The following EDC3 variants were observed in gnomAD, a reference collection of about 807,000 sequenced individuals.
The protein encoded by EDC3 is enhancer of mRNA-decapping protein 3.
A neutral mutation model predicts 41.8 loss-of-function variants in EDC3; 20 were observed. The observed-to-expected ratio is 0.48, with a 90% confidence interval of 0.34 to 0.70. The LOEUF is 0.70. Among genes scored for constraint, EDC3 ranks in the 30% least tolerant of loss-of-function variants. The probability of loss-of-function intolerance (pLI) is 0.01; values close to 1 mark genes in which losing one functional copy is unlikely to be tolerated. For missense variants in EDC3, 444 were observed against 636.8 expected (o/e 0.70, Z 3.26); for synonymous variants, 206 against 243.2 (o/e 0.85, Z 1.42).
chr15:74,658,687 T>C (rs1175796348), intron 3 of EDC3, among the ~76,000 whole-genome samples: 1 of 122,126 alleles, frequency 8.2e-6, no homozygotes, highest in Non-Finnish European at 1.6e-5. Context: ...ATGCCTGTAA[T>C]CCCAGCACTT....
intron 4 of EDC3, among the ~76,000 whole-genome samples, chr15:74,645,571 G>C (rs566646300): frequency 8.2e-5 from 12 of 145,828 alleles, no homozygotes; most frequent in Non-Finnish European, 1.7e-4. Flanking sequence ...AGTTGGGGGG[G>C]GGGGGGTGCC....
chr15:74,664,593 C>T (rs551198132), intron 3 of EDC3, among the ~76,000 whole-genome samples: 1 of 152,332 alleles, frequency 6.6e-6, no homozygotes, highest in East Asian at 1.9e-4. Flanking sequence ...TAAAGGGTAC[C>T]TGAATGTTAA....
chr15:74,648,468 C>T (rs931970209), intron 4 of EDC3, among the ~76,000 whole-genome samples: 5 of 152,168 alleles, frequency 3.3e-5, no homozygotes, highest in Non-Finnish European at 7.3e-5. Context: ...AAAGACTTAG[C>T]CGGCCAGCGT....
chr15:74,684,566 T>C (rs1313754360), intron 1 of EDC3, among the ~76,000 whole-genome samples: 1 of 150,900 alleles, frequency 6.6e-6, no homozygotes, highest in South Asian at 2.1e-4. Context: ...CTCTCACCAC[T>C]TGTACTTATA....
chr15:74,645,874 C>CA (rs1480044932), intron 4 of EDC3, among the ~76,000 whole-genome samples: 1 of 151,694 alleles, frequency 6.6e-6, no homozygotes, highest in Admixed American at 6.6e-5. Context: ...AGACCTGTCT[C>CA]AAAAAAGAGT....
intron 1 of EDC3, among the ~76,000 whole-genome samples, chr15:74,680,611 T>C (rs2062860558): frequency 1.3e-5 from 2 of 152,262 alleles, no homozygotes; most frequent in South Asian, 4.1e-4. Flanking sequence ...TATCCACTAT[T>C]ACTCAACACA....
intron 1 of EDC3, among the ~76,000 whole-genome samples, chr15:74,677,319 C>T (rs1297747725): frequency 6.7e-6 from 1 of 150,126 alleles, no homozygotes; most frequent in Non-Finnish European, 1.5e-5. Context: ...CCTCACCTCC[C>T]AAAGTGCTGG....
At chr15:74,659,622 G>A (rs1445859343) in intron 3 of EDC3, among the ~76,000 whole-genome samples, 1 of 151,778 alleles carries the variant, frequency 6.6e-6, no homozygotes, top group African/African-American at 2.4e-5. Context: ...CCAAATCTCA[G>A]CACTTTGGGA....
intron 1 of EDC3, among the ~76,000 whole-genome samples, chr15:74,691,315 T>C (rs1389414830): frequency 6.6e-6 from 1 of 152,024 alleles, no homozygotes; most frequent in African/African-American, 2.4e-5. Flanking sequence ...ATATGAATTA[T>C]TTTAAGATAC....
intron 6 of EDC3, among the ~76,000 whole-genome samples, chr15:74,633,798 C>T (rs2062240108): frequency 6.6e-6 from 1 of 152,144 alleles, no homozygotes; most frequent in Non-Finnish European, 1.5e-5. Context: ...ACAAGGGGAA[C>T]CCACACCAGG....
chr15:74,640,361 A>G, intron 5 of EDC3, 105 bp downstream of exon 5: 23 of 1,324,968 alleles, frequency 1.7e-5, no homozygotes, highest in Non-Finnish European at 2.4e-5. Flanking sequence ...AGATGAGCAG[A>G]AACTGCCTAA....
chr15:74,693,500 C>T (rs1181861039), intron 1 of EDC3, among the ~76,000 whole-genome samples: 1 of 152,100 alleles, frequency 6.6e-6, no homozygotes, highest in East Asian at 1.9e-4. Context: ...ATAAGCAAAC[C>T]TTCTAGATAA....
chr15:74,674,852 TA>T, intron 2 of EDC3, 108 bp downstream of exon 2: 1 of 1,314,854 alleles, frequency 7.6e-7, no homozygotes. Context: ...CCATCTCTAC[TA>T]AAAATACAAA....
At chr15:74,656,161 G>A (rs1328229796) in intron 3 of EDC3, 93 bp from the exon 4 acceptor site, 1 of 1,204,306 alleles carries the variant, frequency 8.3e-7, no homozygotes, top group African/African-American at 1.5e-5. Flanking sequence ...GAGTGTTACA[G>A]GAACCAATGT....
Position 74,635,631 on chromosome 15 carries a change from A to G in EDC3, c.975-5T>C, listed in dbSNP as rs1234759060. The G allele has an allele frequency of 6.2e-7, 1 of 1,611,416 alleles. No individual in the cohort carries two copies. The highest frequency in any genetic ancestry group is 2.2e-5 in the East Asian group (1 of 44,820). ...TGAACATTTTTGGGATTCAACCTGGAAAAGAAGGTGAAGAAGCAGTATCAG... is the reference window on the plus strand; with the variant it reads ...TGAACATTTTTGGGATTCAACCTGGGAAAGAAGGTGAAGAAGCAGTATCAG... On this transcript the variant is annotated splice_polypyrimidine_tract_variant and splice_region_variant and intron_variant, in intron 5 of 6. Transcript: ENST00000315127.
At position 74,654,183 on chromosome 15, in the gene EDC3, G is replaced by A. The variant is rs527683219; in HGVS notation, c.820+1550C>T. 5.9e-5 allele frequency among the ~76,000 whole-genome samples: 9 copies of A among 151,908 alleles called. No individual in the cohort carries two copies. In the East Asian group the frequency reaches 1.7e-3, roughly 29 times the overall value. On this transcript the variant is annotated intron_variant, in intron 4 of 6. Transcript: ENST00000315127. ...CAGGAGAATCGCTTGAACCCAGGAG[G>A]TGGAGGTTGGCAGTGAGCAGAGATT...
intron 1 of EDC3, among the ~76,000 whole-genome samples, chr15:74,695,150 G>A (rs2063050860): frequency 6.6e-6 from 1 of 152,164 alleles, no homozygotes; most frequent in South Asian, 2.1e-4. Context: ...TGTAACCACA[G>A]GAGAAGACTG....
intron 4 of EDC3, 52 bp downstream of exon 4, chr15:74,655,681 A>C (rs2062537713): frequency 3.3e-6 from 5 of 1,523,480 alleles, no homozygotes; most frequent in Non-Finnish European, 4.4e-6. Flanking sequence ...TGTTTCAAGC[A>C]TAATAGAAAG....
At position 74,640,466 on chromosome 15, in the gene EDC3, C is replaced by G. The variant is rs779438622; in HGVS notation, c.974G>C (p.Arg325Thr). The change falls in exon 5 of 7, where the codon AGG becomes ACG. Residue 325 changes from arginine to threonine, a missense_variant and splice_region_variant. Transcript: ENST00000315127. ...TCCCTGCCAGTTTATAGACATTTAC[C>G]TGTTAGGTCCTCCGAGGAGGGTCAG... ...MALTLLGGPN[R>T]LNPKNVHQRP... 1 of 1,613,814 alleles carries G rather than the reference C, an allele frequency of 6.2e-7. No individual in the cohort carries two copies. The highest frequency in any genetic ancestry group is 8.5e-7 in the Non-Finnish European group (1 of 1,179,954).
Sources: allele counts gnomAD v4.1 joint callset (sites outside exome capture counted in the v4.1 genomes callset), GRCh38; gene constraint gnomAD v4.1.1; transcripts MANE v1.5; gene names NCBI Gene and HGNC (gene_info 2026-07-23, HGNC 2026-07-21).